BCOR: variants seen among roughly 807,000 people sequenced by gnomAD.
BCOR encodes BCL6 corepressor, also known as BCL-6 corepressor.
Under a neutral mutation model 86.7 loss-of-function variants are expected in BCOR, and 10 were observed. That is an observed-to-expected ratio of 0.12 (90% CI 0.07 to 0.20). The LOEUF is 0.20. BCOR is among the 10% of genes least tolerant of loss of function. BCOR has a pLI of 1.00. For missense variants in BCOR, 1,259 were observed against 1,452.1 expected (o/e 0.87, Z 2.16); for synonymous variants, 611 against 609.0 (o/e 1.00, Z -0.05).
At chrX:40,089,663 AAT>A (rs1426559004) in intron 1 of BCOR, among the ~76,000 whole-genome samples, 4 of 111,362 alleles carry the variant, frequency 3.6e-5, no homozygotes, top group African/African-American at 1.3e-4. Flanking sequence ...AGTACCCCAG[AAT>A]AGTCAGGGGT....
chrX:40,156,707 C>T (rs1013568612), intron 1 of BCOR, among the ~76,000 whole-genome samples: 1 of 111,950 alleles, frequency 8.9e-6, no homozygotes, highest in Non-Finnish European at 1.9e-5. Flanking sequence ...TCACCTTTCC[C>T]CCTGCAACTT....
intron 1 of BCOR, among the ~76,000 whole-genome samples, chrX:40,123,648 C>T (rs987629903): frequency 3.6e-5 from 4 of 110,868 alleles, no homozygotes; most frequent in East Asian, 2.8e-4. Flanking sequence ...CCACCGCGCC[C>T]GGCCTTCTTT....
intron 1 of BCOR, among the ~76,000 whole-genome samples, chrX:40,081,645 G>C (rs1018452469): frequency 8.9e-6 from 1 of 112,674 alleles, no homozygotes; most frequent in African/African-American, 3.2e-5. Context: ...TTCCAGAAGT[G>C]CCAAGATGTG....
chrX:40,072,533 G>A lies in BCOR; in HGVS notation c.2813C>T (p.Thr938Ile), dbSNP rs375576705. 6 of 1,210,327 alleles carry A rather than the reference G, an allele frequency of 5.0e-6. No homozygotes were observed. Among genetic ancestry groups the A allele is most frequent in the South Asian group, 1.8e-5 (1 of 56,862 alleles). Residue 938 changes from threonine to isoleucine, a missense_variant, in exon 4 of 15, where the codon ACC (threonine) becomes ATC (isoleucine). Thr to Ile is a moderately conservative substitution (Grantham distance 89). Coordinates refer to ENST00000378444, the MANE Select transcript of BCOR (RefSeq NM_001123385.2). The stretch of plus-strand genomic sequence containing the variant: ...CTCATCAGCTCCATCTTTGGTATAG[G>A]TGGGGGTCACATCCACACTTGGTGG... Reference protein sequence around the residue: ...SAPPSVDVTPTYTKDGADEAE... With the variant: ...SAPPSVDVTPIYTKDGADEAE...
At chrX:40,088,195 G>T (rs1303156628) in intron 1 of BCOR, among the ~76,000 whole-genome samples, 1 of 112,168 alleles carries the variant, frequency 8.9e-6, no homozygotes, top group Non-Finnish European at 1.9e-5. Context: ...CTCCAGGAGG[G>T]CCCCTAGGGC....
At chrX:40,102,973 G>A (rs1023238942) in intron 1 of BCOR, among the ~76,000 whole-genome samples, 1 of 111,652 alleles carries the variant, frequency 9.0e-6, no homozygotes, top group Non-Finnish European at 1.9e-5. Context: ...TGTAATCTTC[G>A]GCACATTTCA....
chrX:40,118,789 T>A (rs1937436815), intron 1 of BCOR, among the ~76,000 whole-genome samples: 1 of 112,427 alleles, frequency 8.9e-6, no homozygotes. Flanking sequence ...CTCCTGAGAC[T>A]GGGCCCTGAT....
At chrX:40,103,798 G>C (rs1003067704) in intron 1 of BCOR, among the ~76,000 whole-genome samples, 1 of 111,040 alleles carries the variant, frequency 9.0e-6, no homozygotes, top group African/African-American at 3.3e-5. Flanking sequence ...TTTTTTTTCC[G>C]CCATGCAAGT....
chrX:40,114,941 C>T (rs1461427106), intron 1 of BCOR, among the ~76,000 whole-genome samples: 1 of 102,948 alleles, frequency 9.7e-6, no homozygotes, highest in Non-Finnish European at 2.0e-5. Context: ...CACGCTCCAC[C>T]TCCCGGGTTC....
chrX:40,093,201 T>A (rs1936696938), intron 1 of BCOR, among the ~76,000 whole-genome samples: 1 of 112,427 alleles, frequency 8.9e-6, no homozygotes, highest in Non-Finnish European at 1.9e-5. Flanking sequence ...TATCTCTTGT[T>A]CCATTTGGGC....
intron 1 of BCOR, among the ~76,000 whole-genome samples, chrX:40,122,327 G>C (rs189145124): frequency 0.036 from 4,010 of 110,761 alleles, 190 homozygotes; most frequent in African/African-American, 0.13. Flanking sequence ...GTGTACCCTG[G>C]GCCTACCTGA....
intron 1 of BCOR, among the ~76,000 whole-genome samples, chrX:40,160,111 CT>C (rs748741460): frequency 1.3e-3 from 138 of 104,378 alleles, no homozygotes; most frequent in Admixed American, 1.2e-3. Context: ...ACATGGATTA[CT>C]TTTTTTTTTT....
At chrX:40,122,389 G>A in intron 1 of BCOR, among the ~76,000 whole-genome samples, 1 of 111,180 alleles carries the variant, frequency 9.0e-6, no homozygotes, top group Non-Finnish European at 1.9e-5. Context: ...CCATCTGGCT[G>A]TGGGAAGCCA....
At chrX:40,084,693 C>T (rs192905341) in intron 1 of BCOR, among the ~76,000 whole-genome samples, 1 of 105,015 alleles carries the variant, frequency 9.5e-6, no homozygotes, top group Non-Finnish European at 1.9e-5. Flanking sequence ...ACACAAACGC[C>T]GTCGCCGCCA....
chrX:40,090,613 G>C (rs888319468), intron 1 of BCOR, among the ~76,000 whole-genome samples: 1 of 111,602 alleles, frequency 9.0e-6, no homozygotes, highest in African/African-American at 3.3e-5. Context: ...TTCCCGAAGC[G>C]ATCGCCGTCC....
At chrX:40,105,783 G>A (rs972773265) in intron 1 of BCOR, among the ~76,000 whole-genome samples, 2 of 113,046 alleles carry the variant, frequency 1.8e-5, no homozygotes, top group Non-Finnish European at 3.8e-5. Context: ...ACCCACTGCA[G>A]GCGACAGAGC....
intron 6 of BCOR, chrX:40,068,238 A>G (rs947893741): frequency 1.8e-5 from 2 of 112,207 alleles, no homozygotes; most frequent in Non-Finnish European, 3.8e-5. Context: ...ACGCCCAGTA[A>G]GCCCTAAACA....
chrX:40,070,733 C>T (rs1935435854), intron 6 of BCOR, among the ~76,000 whole-genome samples: 1 of 112,017 alleles, frequency 8.9e-6, no homozygotes, highest in Non-Finnish European at 1.9e-5. Flanking sequence ...TAATTTCCTA[C>T]TGCCATACCT....
At chrX:40,167,718 C>A (rs759219202) in intron 1 of BCOR, among the ~76,000 whole-genome samples, 1 of 111,567 alleles carries the variant, frequency 9.0e-6, no homozygotes, top group Non-Finnish European at 1.9e-5. Flanking sequence ...AAGAGCTGGG[C>A]GCATTGTCTC....
Sources: gnomAD v4.1 joint callset for allele counts (sites outside exome capture counted in the v4.1 genomes callset) on GRCh38, gnomAD v4.1.1 for gene constraint, MANE v1.5 for transcripts, NCBI Gene and HGNC (gene_info 2026-07-23, HGNC 2026-07-21) for gene names.